SIX1: variants seen among roughly 807,000 people sequenced by gnomAD.
SIX1 encodes the protein homeobox protein SIX1.
SIX1 carries 11 observed loss-of-function variants against 26.5 expected under a neutral mutation model. The observed-to-expected ratio is 0.41, with a 90% CI of 0.26 to 0.69. The LOEUF (loss-of-function observed/expected upper bound fraction) is 0.69, where lower values mean the gene tolerates loss of function less well. Among genes scored for constraint, SIX1 ranks in the 30% least tolerant of loss-of-function variants. The pLI, the probability that SIX1 is intolerant of heterozygous loss-of-function variation, is 0.28. For missense variants in SIX1, 333 were observed against 365.9 expected, an observed-to-expected ratio of 0.91 and a Z score of 0.73; for synonymous variants, 177 against 166.2, an observed-to-expected ratio of 1.06 and a Z score of -0.50.
Position 60,648,551 on chromosome 14 carries a change from G to A in SIX1, c.560+79C>T, listed in dbSNP as rs1894994408. On this transcript the variant is annotated intron_variant, in intron 1 of 1. Transcript: ENST00000645694. This position sits in a 1 kb window ranked among gnomAD's most constrained non-coding sequence, Gnocchi z 7.9. ...CGGCGGGGAGGACTTGGTGGCTGGT[G>A]CCTGCGGGGGCGGGAGGGGGCGGAG... The A allele has an allele frequency of 7.0e-7, 1 of 1,420,532 alleles. No individual in the cohort carries two copies. The highest frequency in any genetic ancestry group is 9.6e-7 in the Non-Finnish European group (1 of 1,036,418). 88.0% of individuals were successfully genotyped at this position (1,420,532 alleles called of 1,614,324 possible). A position where few individuals can be genotyped will look rare whatever the true frequency, so the allele number is the denominator to read the frequency against.
chr14:60,646,679 G>C, intron 1 of SIX1, 102 bp from the exon 2 acceptor site: 4 of 1,023,550 alleles, frequency 3.9e-6, no homozygotes, highest in Non-Finnish European at 5.7e-6. Flanking sequence ...CTGGAAGGAG[G>C]AAAGGGCCAT....
chr14:60,646,646 A>T (rs2140239692), intron 1 of SIX1, 69 bp from the exon 2 acceptor site: 1 of 1,358,434 alleles, frequency 7.4e-7, no homozygotes, highest in Non-Finnish European at 1.0e-6. Context: ...TTAAAAAAAA[A>T]GTGTGAGATG....
In SIX1 at chr14:60,648,514, A is replaced by C; in HGVS notation, c.560+116T>G. Reference sequence around the variant, plus strand: ...GGAGGGCCTGCGCGCCGCCCCGTGGACGGGCTCCGGCCGGCGGGGAGGACT... The same window carrying C: ...GGAGGGCCTGCGCGCCGCCCCGTGGCCGGGCTCCGGCCGGCGGGGAGGACT... On this transcript the variant is annotated intron_variant, in intron 1 of 1. Transcript: ENST00000645694. This position sits in a 1 kb window ranked among gnomAD's most constrained non-coding sequence, Gnocchi z 7.9. 9.7e-7 allele frequency: 1 copy of C among 1,027,976 alleles called. No homozygotes were observed. The highest frequency in any genetic ancestry group is 1.4e-6 in the Non-Finnish European group (1 of 699,666). 63.7% of individuals were successfully genotyped at this position (1,027,976 alleles called of 1,614,324 possible).
At position 60,649,266 on chromosome 14, in the gene SIX1, C is replaced by T; in HGVS notation, c.-77G>A. 1.5e-6 allele frequency: 2 copies of T among 1,360,342 alleles called. No homozygotes were observed. Among genetic ancestry groups the T allele is most frequent in the Non-Finnish European group, 2.0e-6 (2 of 987,838 alleles). The allele number at this position is 1,360,342 out of a possible 1,614,324, so 84.3% of individuals were successfully genotyped here. On this transcript the variant is annotated 5_prime_UTR_variant, in exon 1 of 2. Transcript: ENST00000645694. This position sits in a 1 kb window ranked among gnomAD's most constrained non-coding sequence, Gnocchi z 5.1. The stretch of plus-strand genomic sequence containing the variant: ...GCCGAGAGGCAGGGGGCGGCGGCCG[C>T]AGGGAGGGGGGCGCGGCTGTTCCTA...
In SIX1 at chr14:60,648,500, G is replaced by A; in HGVS notation, c.560+130C>T. On this transcript the variant is annotated intron_variant, in intron 1 of 1. Coordinates refer to ENST00000645694, the MANE Select transcript of SIX1 (RefSeq NM_005982.4). The surrounding 1 kb of genome is among the most constrained non-coding windows in gnomAD (Gnocchi z 7.9). The stretch of plus-strand genomic sequence containing the variant: ...CGCTGCAGCGCCGCGGAGGGCCTGC[G>A]CGCCGCCCCGTGGACGGGCTCCGGC... 3 of 846,610 alleles carry A rather than the reference G, an allele frequency of 3.5e-6. No individual in the cohort carries two copies. The highest frequency in any genetic ancestry group is 5.5e-6 in the Non-Finnish European group (3 of 543,088). The allele number at this position is 846,610 out of a possible 1,614,324, so 52.4% of individuals were successfully genotyped here.
Position 60,647,315 on chromosome 14 carries a change from C to G in SIX1, c.561-738G>C, listed in dbSNP as rs1037541448. ...TGTGTTACTTGCTAACTCTTCAGCC[C>G]CTCGTGTCCCCCTCTCAAACTTCCT... On this transcript the variant is annotated intron_variant, in intron 1 of 1. Transcript: ENST00000645694. The surrounding 1 kb of genome is among the most constrained non-coding windows in gnomAD (Gnocchi z 5.1). Among the ~76,000 whole-genome samples, 2 of 152,204 alleles carry G rather than the reference C, an allele frequency of 1.3e-5. No homozygotes were observed. The highest frequency in any genetic ancestry group is 4.8e-5 in the African/African-American group (2 of 41,442).
In SIX1 at chr14:60,648,463, T is replaced by A. The variant is rs1894991895; in HGVS notation, c.560+167A>T. Among the ~76,000 whole-genome samples the A allele has an allele frequency of 6.6e-6, 1 of 151,814 alleles. No individual in the cohort carries two copies. Among genetic ancestry groups the A allele is most frequent in the Non-Finnish European group, 1.5e-5 (1 of 67,920 alleles). ...CCATCCTTAGCAAGGAACCTCAGAGTTCATGAACTTTCGCTGCAGCGCCGC... is the reference window on the plus strand; with the variant it reads ...CCATCCTTAGCAAGGAACCTCAGAGATCATGAACTTTCGCTGCAGCGCCGC... On this transcript the variant is annotated intron_variant, in intron 1 of 1. Transcript: ENST00000645694. This position sits in a 1 kb window ranked among gnomAD's most constrained non-coding sequence, Gnocchi z 7.9.
Position 60,646,286 on chromosome 14 carries a change from G to A in SIX1, c.852C>T (p.Ser284=). 1 of 1,612,044 alleles carries A rather than the reference G, an allele frequency of 6.2e-7. No homozygotes were observed. Among genetic ancestry groups the A allele is most frequent in the Non-Finnish European group, 8.5e-7 (1 of 1,179,086 alleles). Residue 284 remains serine, a synonymous_variant, in exon 2 of 2, where the codon TCC becomes TCT. Transcript: ENST00000645694. Reference sequence around the variant, plus strand: ...CGAGGCCCCAGTCCCTCCCCACTTAGGACCCCAAGTCCACCAGACTGGAGG... The same window carrying A: ...CGAGGCCCCAGTCCCTCCCCACTTAAGACCCCAAGTCCACCAGACTGGAGG... ...PLTSSLVDLG[S] is the part of the protein sequence containing the mutation.
Position 60,648,518 on chromosome 14 carries a change from GC to G in SIX1, c.560+111del. On this transcript the variant is annotated intron_variant, in intron 1 of 1. Transcript: ENST00000645694. This position sits in a 1 kb window ranked among gnomAD's most constrained non-coding sequence, Gnocchi z 7.9. ...GGCCTGCGCGCCGCCCCGTGGACGG[GC>G]TCCGGCCGGCGGGGAGGACTTGGTG... is the stretch of plus-strand genomic sequence containing the variant. 9.1e-7 allele frequency: 1 copy of G among 1,098,210 alleles called. No individual in the cohort carries two copies. The highest frequency in any genetic ancestry group is 1.3e-6 in the Non-Finnish European group (1 of 757,446). 68.0% of individuals were successfully genotyped at this position (1,098,210 alleles called of 1,614,324 possible).
Position 60,648,807 on chromosome 14 carries a change from C to T in SIX1, c.383G>A (p.Ser128Asn), listed in dbSNP as rs754918861. ...PRTIWDGEET[S>N]YCFKEKSRGV... is the part of the protein sequence containing the mutation. ...CCTCGACTTCTCCTTGAAGCAGTAG[C>T]TGGTCTCCTCGCCGTCCCAGATGGT... Residue 128 changes from serine (S) to asparagine (N), a missense_variant, in exon 1 of 2, where the codon AGC becomes AAC. Physicochemically the swap from Ser to Asn is conservative, Grantham distance 46. Around this residue, in one of 3 missense-constraint regions of SIX1, gnomAD observed 199 missense variants for 215.2 expected, o/e 0.92. Transcript: ENST00000645694. The surrounding 1 kb of genome is among the most constrained non-coding windows in gnomAD (Gnocchi z 7.9). The T allele has an allele frequency of 6.2e-7, 1 of 1,614,228 alleles. No homozygotes were observed.
rs1051653507 is a variant in SIX1 at position 60,648,999 on chromosome 14, C to G, written c.191G>C (p.Arg64Pro). The G allele has an allele frequency of 1.2e-6, 2 of 1,614,026 alleles. No homozygotes were observed. Among genetic ancestry groups the G allele is most frequent in the Non-Finnish European group, 1.7e-6 (2 of 1,180,034 alleles). ...GCTCTCCAGGATCTTGTAGAGCTCA[C>G]GGAAGTTGCCGCGGTGGAAGGCGAC... Reference protein sequence around the residue: ...AVVAFHRGNFRELYKILESHQ... With the variant: ...AVVAFHRGNFPELYKILESHQ... The change falls in exon 1 of 2, where the codon CGT (arginine) becomes CCT (proline). Residue 64 changes from arginine (R) to proline (P), a missense_variant. Arg to Pro is a moderately radical substitution (Grantham distance 103). Coordinates refer to ENST00000645694, the MANE Select transcript of SIX1 (RefSeq NM_005982.4). The surrounding 1 kb of genome is among the most constrained non-coding windows in gnomAD (Gnocchi z 7.9).
Position 60,645,624 on chromosome 14 carries a change from G to C in SIX1, c.*659C>G, listed in dbSNP as rs180814298. The C allele has an allele frequency of 6.6e-6, 1 of 151,954 alleles. No homozygotes were observed. The highest frequency in any genetic ancestry group is 1.5e-5 in the Non-Finnish European group (1 of 67,990). 9.4% of individuals were successfully genotyped at this position (151,954 alleles called of 1,614,324 possible). The stretch of plus-strand genomic sequence containing the variant: ...CGTCTATTTCTGTCTCACATAGAGA[G>C]CATTAAGACATTTAGGCACTTGTTT... On this transcript the variant is annotated 3_prime_UTR_variant, in exon 2 of 2. Coordinates refer to ENST00000645694, the MANE Select transcript of SIX1 (RefSeq NM_005982.4). The surrounding 1 kb of genome is among the most constrained non-coding windows in gnomAD (Gnocchi z 4.6).
rs1355199424 is a variant in SIX1, at chr14:60,647,254, A to G, written c.561-677T>C. Among the ~76,000 whole-genome samples, 2 of 152,202 alleles carry G rather than the reference A, an allele frequency of 1.3e-5. No individual in the cohort carries two copies. On this transcript the variant is annotated intron_variant, in intron 1 of 1. Coordinates refer to ENST00000645694, the MANE Select transcript of SIX1 (RefSeq NM_005982.4). The surrounding 1 kb of genome is among the most constrained non-coding windows in gnomAD (Gnocchi z 5.1). The stretch of plus-strand genomic sequence containing the variant: ...TGGCTTATAGGACGGCCGTTTTGTA[A>G]CTAAAGGCTAACTGCAACCATACAA...
At position 60,646,139 on chromosome 14, in the gene SIX1, TTG is replaced by T; in HGVS notation, c.*142_*143del. On this transcript the variant is annotated 3_prime_UTR_variant, in exon 2 of 2. Coordinates refer to ENST00000645694, the MANE Select transcript of SIX1 (RefSeq NM_005982.4). ...TTGGTTTTGATTTTTAAAAAGATAT[TTG>T]TGAAAGTCCACCATTCCTTTATGCG... The T allele has an allele frequency of 1.4e-6, 1 of 708,518 alleles. No individual in the cohort carries two copies. The highest frequency in any genetic ancestry group is 2.3e-6 in the Non-Finnish European group (1 of 439,532). 43.9% of individuals were successfully genotyped at this position (708,518 alleles called of 1,614,324 possible). A position where few individuals can be genotyped will look rare whatever the true frequency, so the allele number is the denominator to read the frequency against.
chr14:60,648,797 G>C lies in SIX1; in HGVS notation c.393C>G (p.Phe131Leu), dbSNP rs1212556544. 1.2e-6 allele frequency: 2 copies of C among 1,614,238 alleles called. No homozygotes were observed. Among genetic ancestry groups the C allele is most frequent in the Non-Finnish European group, 1.7e-6 (2 of 1,180,034 alleles). ...IWDGEETSYC[F>L]KEKSRGVLRE... ...GCAGGACACCCCTCGACTTCTCCTT[G>C]AAGCAGTAGCTGGTCTCCTCGCCGT... Residue 131 changes from phenylalanine (F) to leucine (L), a missense_variant, in exon 1 of 2, where the codon TTC becomes TTG. This residue lies in a region of SIX1 where 199 missense variants were observed against 215.2 expected (regional missense o/e 0.92). Transcript: ENST00000645694. This position sits in a 1 kb window ranked among gnomAD's most constrained non-coding sequence, Gnocchi z 7.9.
intron 1 of SIX1, 66 bp from the exon 2 acceptor site, chr14:60,646,643 A>T: frequency 7.1e-7 from 1 of 1,407,222 alleles, no homozygotes; most frequent in African/African-American, 1.5e-5. Context: ...AGGTTAAAAA[A>T]AAAGTGTGAG....
Position 60,648,542 on chromosome 14 carries a change from G to C in SIX1, c.560+88C>G. On this transcript the variant is annotated intron_variant, in intron 1 of 1. Coordinates refer to ENST00000645694, the MANE Select transcript of SIX1 (RefSeq NM_005982.4). The surrounding 1 kb of genome is among the most constrained non-coding windows in gnomAD (Gnocchi z 7.9). ...GGCTCCGGCCGGCGGGGAGGACTTG[G>C]TGGCTGGTGCCTGCGGGGGCGGGAG... 4.4e-6 allele frequency: 6 copies of C among 1,367,238 alleles called. No homozygotes were observed. The highest frequency in any genetic ancestry group is 6.1e-6 in the Non-Finnish European group (6 of 990,254). The allele number at this position is 1,367,238 out of a possible 1,614,324, so 84.7% of individuals were successfully genotyped here.
chr14:60,646,683 G>C, intron 1 of SIX1, 106 bp from the exon 2 acceptor site: 2 of 982,298 alleles, frequency 2.0e-6, no homozygotes, highest in Non-Finnish European at 3.0e-6. Flanking sequence ...AAGGAGGAAA[G>C]GGCCATTGTG....
In SIX1 at chr14:60,649,246, G is replaced by C; in HGVS notation, c.-57C>G. ...CGCACGCGGCAGGGAGCAGAGCCGA[G>C]AGGCAGGGGGCGGCGGCCGCAGGGA... is the stretch of plus-strand genomic sequence containing the variant. On this transcript the variant is annotated 5_prime_UTR_variant, in exon 1 of 2. Transcript: ENST00000645694. The surrounding 1 kb of genome is among the most constrained non-coding windows in gnomAD (Gnocchi z 5.1). The C allele has an allele frequency of 2.6e-6, 4 of 1,531,294 alleles. No individual in the cohort carries two copies. The highest frequency in any genetic ancestry group is 3.5e-6 in the Non-Finnish European group (4 of 1,131,374). The allele number at this position is 1,531,294 out of a possible 1,614,324, so 94.9% of individuals were successfully genotyped here.
Sources: gnomAD v4.1 joint callset for allele counts (sites outside exome capture counted in the v4.1 genomes callset) on GRCh38, gnomAD v4.1.1 for gene constraint, gnomAD v4.1.1 regional missense constraint, Gnocchi (gnomAD v3.1) non-coding constraint, MANE v1.5 for transcripts, NCBI Gene and HGNC (gene_info 2026-07-23, HGNC 2026-07-21) for gene names.